BTBD9: variants seen among roughly 807,000 people sequenced by gnomAD.
BTBD9 encodes BTB/POZ domain-containing protein 9.
In BTBD9, 49 loss-of-function variants were observed where a neutral mutation model predicts 64.3. That is an observed-to-expected ratio of 0.76 (90% CI 0.61 to 0.97). The LOEUF (loss-of-function observed/expected upper bound fraction) is 0.97. BTBD9 is among the 50% of genes least tolerant of loss of function. The pLI, the probability that BTBD9 is intolerant of heterozygous loss-of-function variation, is 0.00. For missense variants in BTBD9, 598 were observed against 762.1 expected (o/e 0.78, Z 2.53); for synonymous variants, 260 against 274.7 (o/e 0.95, Z 0.53).
intron 7 of BTBD9, among the ~76,000 whole-genome samples, chr6:38,290,031 TAC>T (rs962285594): frequency 6.6e-6 from 1 of 151,878 alleles, no homozygotes; most frequent in African/African-American, 2.4e-5. Context: ...AAAGTAATTT[TAC>T]ATATATCTTC....
intron 7 of BTBD9, among the ~76,000 whole-genome samples, chr6:38,331,289 G>T (rs1299819711): frequency 1.3e-5 from 2 of 152,162 alleles, no homozygotes; most frequent in Non-Finnish European, 2.9e-5. Context: ...AGACAGCCTG[G>T]CCAACATGGT....
At chr6:38,496,819 T>C (rs1771982500) in intron 6 of BTBD9, among the ~76,000 whole-genome samples, 1 of 152,218 alleles carries the variant, frequency 6.6e-6, no homozygotes, top group African/African-American at 2.4e-5. Context: ...TTTGCCAGCT[T>C]GCCAAGTACC....
intron 9 of BTBD9, among the ~76,000 whole-genome samples, chr6:38,198,052 C>CA (rs1392945081): frequency 1.3e-5 from 2 of 152,152 alleles, no homozygotes; most frequent in African/African-American, 4.8e-5. Context: ...GAAGTATATG[C>CA]AAAAAATATT....
At chr6:38,481,500 A>C (rs1029594224) in intron 6 of BTBD9, among the ~76,000 whole-genome samples, 3 of 152,148 alleles carry the variant, frequency 2.0e-5, no homozygotes, top group Admixed American at 2.0e-4. Flanking sequence ...GTCTAGAGAA[A>C]ATGAATTCCA....
intron 6 of BTBD9, among the ~76,000 whole-genome samples, chr6:38,523,856 A>G (rs1231806985): frequency 1.3e-5 from 2 of 152,186 alleles, no homozygotes; most frequent in Non-Finnish European, 2.9e-5. Flanking sequence ...GCTCAGACAT[A>G]TTGCTAATGA....
chr6:38,548,747 T>G (rs1774668654), intron 6 of BTBD9, among the ~76,000 whole-genome samples: 1 of 152,240 alleles, frequency 6.6e-6, no homozygotes, highest in Admixed American at 6.5e-5. Context: ...ATTGTCAATA[T>G]GTTTAGGCCA....
At chr6:38,253,371 A>G (rs1040898928) in intron 9 of BTBD9, among the ~76,000 whole-genome samples, 1 of 152,178 alleles carries the variant, frequency 6.6e-6, no homozygotes, top group Middle Eastern at 3.2e-3. Context: ...AAACACTTCT[A>G]ACACCATCAG....
At chr6:38,312,568 T>C (rs910597890) in intron 7 of BTBD9, among the ~76,000 whole-genome samples, 2 of 152,216 alleles carry the variant, frequency 1.3e-5, no homozygotes, top group African/African-American at 2.4e-5. Flanking sequence ...ATCATTTTGA[T>C]TTGATATTTG....
intron 6 of BTBD9, among the ~76,000 whole-genome samples, chr6:38,561,317 C>T (rs1209215997): frequency 4.2e-5 from 6 of 144,076 alleles, no homozygotes; most frequent in South Asian, 2.1e-4. Flanking sequence ...GGAGAGGCTG[C>T]GGAAAAACAG....
intron 6 of BTBD9, among the ~76,000 whole-genome samples, chr6:38,576,773 A>C (rs145651172): frequency 1.3e-5 from 2 of 152,282 alleles, no homozygotes; most frequent in East Asian, 3.9e-4. Context: ...GGTAAAGAAT[A>C]TCTAAAGGCA....
At chr6:38,570,424 G>A (rs1381186658) in intron 6 of BTBD9, among the ~76,000 whole-genome samples, 2 of 152,110 alleles carry the variant, frequency 1.3e-5, no homozygotes, top group Non-Finnish European at 2.9e-5. Context: ...ATTAAGTAGC[G>A]GTTTTTCTCC....
At chr6:38,529,994 T>C (rs1704435690) in intron 6 of BTBD9, among the ~76,000 whole-genome samples, 1 of 152,164 alleles carries the variant, frequency 6.6e-6, no homozygotes, top group Admixed American at 6.5e-5. Flanking sequence ...AAGAGATTAC[T>C]AAATTCTTTT....
rs1181063941 is a variant in BTBD9, at chr6:38,438,172, A to AAAGG, written c.1155-93083_1155-93080dup. Among the ~76,000 whole-genome samples, 171 of 142,174 alleles carry AAAGG rather than the reference A, an allele frequency of 1.2e-3. 2 individuals carry two copies. The highest frequency in any genetic ancestry group is 7.0e-3 in the Middle Eastern group (2 of 286). The allele number at this position is 142,174 out of a possible 152,430, so 93.3% of individuals were successfully genotyped here. On this transcript the variant is annotated intron_variant, in intron 6 of 10. Transcript: ENST00000481247. ...TTCAGTAAGGCCAAACAGGAAAAAA[A>AAAGG]AAGGAAGGAAGGAAGGAGGAAAGGA...
intron 7 of BTBD9, among the ~76,000 whole-genome samples, chr6:38,302,592 A>G (rs1762457729): frequency 6.8e-6 from 1 of 147,624 alleles, no homozygotes; most frequent in Non-Finnish European, 1.5e-5. Context: ...GCTGTTGTGA[A>G]TTATGCTGTA....
chr6:38,569,301 C>T (rs746191207), intron 6 of BTBD9, among the ~76,000 whole-genome samples: 5 of 152,102 alleles, frequency 3.3e-5, no homozygotes, highest in African/African-American at 9.7e-5. Flanking sequence ...CAATATAGCA[C>T]GTGTTCAATA....
chr6:38,186,576 C>G (rs1223458011), intron 10 of BTBD9, among the ~76,000 whole-genome samples: 1 of 152,138 alleles, frequency 6.6e-6, no homozygotes, highest in Non-Finnish European at 1.5e-5. Context: ...GATGGGTGTA[C>G]AGATGAGATC....
intron 1 of BTBD9, among the ~76,000 whole-genome samples, chr6:38,630,000 G>A (rs1194620380): frequency 1.3e-5 from 2 of 151,872 alleles, no homozygotes; most frequent in African/African-American, 4.8e-5. Flanking sequence ...CTGAGGTCAA[G>A]AGTTTGAGAC....
chr6:38,210,770 T>C (rs1582056168), intron 9 of BTBD9, among the ~76,000 whole-genome samples: 1 of 152,220 alleles, frequency 6.6e-6, no homozygotes, highest in Non-Finnish European at 1.5e-5. Context: ...TTCTTTCCAA[T>C]AGGGTTTCTG....
At chr6:38,180,430 A>G (rs1236539339) in intron 10 of BTBD9, among the ~76,000 whole-genome samples, 1 of 152,124 alleles carries the variant, frequency 6.6e-6, no homozygotes, top group Non-Finnish European at 1.5e-5. Context: ...CTGCCATGGT[A>G]GGGGGGAAAT....
Sources: allele counts gnomAD v4.1 joint callset (sites outside exome capture counted in the v4.1 genomes callset), GRCh38; gene constraint gnomAD v4.1.1; transcripts MANE v1.5; gene names NCBI Gene and HGNC (gene_info 2026-07-23, HGNC 2026-07-21).